CCDC171: variants seen among roughly 807,000 people sequenced by gnomAD.
The protein encoded by CCDC171 is coiled-coil domain-containing protein 171.
In CCDC171, 177 loss-of-function variants were observed where a neutral mutation model predicts 168.2. The observed-to-expected ratio is 1.05, with a 90% CI of 0.93 to 1.19. The LOEUF is 1.19. Among genes scored for constraint, CCDC171 ranks in the 50% most tolerant of loss-of-function variants. The pLI is 0.00. For missense variants in CCDC171, 1,991 were observed against 1,539.0 expected (o/e 1.29, Z -4.91); for synonymous variants, 687 against 540.8 (o/e 1.27, Z -3.75).
intron 3 of CCDC171, among the ~76,000 whole-genome samples, chr9:15,572,945 A>C (rs563810327): frequency 6.6e-6 from 1 of 152,168 alleles, no homozygotes; most frequent in Middle Eastern, 3.2e-3. Flanking sequence ...GATCACTTGA[A>C]GTCAGGAGTT....
intron 6 of CCDC171, among the ~76,000 whole-genome samples, chr9:15,607,572 C>A (rs920984976): frequency 2.0e-5 from 3 of 152,088 alleles, no homozygotes; most frequent in Non-Finnish European, 4.4e-5. Context: ...AGCAATCCTC[C>A]CACCTCAGCC....
chr9:15,875,911 G>A (rs559145273), intron 24 of CCDC171: 4 of 152,144 alleles, frequency 2.6e-5, no homozygotes, highest in Non-Finnish European at 4.4e-5. Context: ...GATTTAAAAT[G>A]TGTATTTTAA....
chr9:15,946,675 A>G (rs1828434302), intron 25 of CCDC171, among the ~76,000 whole-genome samples: 1 of 152,044 alleles, frequency 6.6e-6, no homozygotes, highest in Admixed American at 6.6e-5. Context: ...AAATACTTTA[A>G]AGTTCATATG....
intron 24 of CCDC171, among the ~76,000 whole-genome samples, chr9:15,894,324 T>A (rs1392540338): frequency 6.6e-6 from 1 of 152,046 alleles, no homozygotes; most frequent in Non-Finnish European, 1.5e-5. Flanking sequence ...TAATGGATGC[T>A]GGGCTTAATA....
chr9:15,632,201 T>C (rs1283911847), intron 7 of CCDC171, among the ~76,000 whole-genome samples: 6 of 144,524 alleles, frequency 4.2e-5, no homozygotes, highest in African/African-American at 1.5e-4. Context: ...AAATAAAGGG[T>C]ATTCAGTTAG....
intron 7 of CCDC171, among the ~76,000 whole-genome samples, chr9:15,647,462 G>GT (rs557614857): frequency 8.6e-4 from 131 of 152,120 alleles, no homozygotes; most frequent in African/African-American, 2.9e-3. Context: ...TTAGCAGCTG[G>GT]TTTTTTTAAA....
chr9:15,961,948 A>G (rs1156319282), intron 25 of CCDC171, among the ~76,000 whole-genome samples: 1 of 152,154 alleles, frequency 6.6e-6, no homozygotes, highest in Admixed American at 6.5e-5. Flanking sequence ...CAGCAAATCT[A>G]CATGCCACCT....
intron 10 of CCDC171, among the ~76,000 whole-genome samples, chr9:15,682,122 C>T (rs1465154293): frequency 6.6e-6 from 1 of 151,990 alleles, no homozygotes; most frequent in African/African-American, 2.4e-5. Context: ...AAGTCACTAT[C>T]CTCTATAGGT....
chr9:15,639,899 C>A (rs2046466222), intron 7 of CCDC171, among the ~76,000 whole-genome samples: 1 of 152,102 alleles, frequency 6.6e-6, no homozygotes, highest in Non-Finnish European at 1.5e-5. Flanking sequence ...GAAGGAATAT[C>A]CTTTAGCGAC....
intron 11 of CCDC171, among the ~76,000 whole-genome samples, chr9:15,711,937 G>A (rs2134036571): frequency 6.6e-6 from 1 of 152,196 alleles, no homozygotes; most frequent in South Asian, 2.1e-4. Flanking sequence ...TCCATCTCTG[G>A]CGAGGTGGTC....
chr9:16,055,790 A>C (rs1053853995), intron 1 of CCDC171, among the ~76,000 whole-genome samples: 1 of 152,264 alleles, frequency 6.6e-6, no homozygotes, highest in Non-Finnish European at 1.5e-5. Context: ...CAATGGTTCA[A>C]GCGGATTATT....
chr9:15,594,349 C>A (rs1457555996), intron 6 of CCDC171, among the ~76,000 whole-genome samples, 177 bp downstream of exon 6: 1 of 151,980 alleles, frequency 6.6e-6, no homozygotes, highest in African/African-American at 2.4e-5. Flanking sequence ...CAACAGATAC[C>A]ATTAGTGTTT....
chr9:15,678,400 G>A (rs949233128), intron 9 of CCDC171, among the ~76,000 whole-genome samples: 2 of 152,088 alleles, frequency 1.3e-5, no homozygotes, highest in Admixed American at 1.3e-4. Flanking sequence ...TAATTTTAAA[G>A]TTGTTTGGTA....
chr9:16,088,418 G>A, the CCDC171 span, among the ~76,000 whole-genome samples: 1 of 152,186 alleles, frequency 6.6e-6, no homozygotes, highest in Non-Finnish European at 1.5e-5. Context: ...TAGGAAGAGA[G>A]GAAGTCAGAT....
At chr9:15,909,318 C>G (rs990067653) in intron 24 of CCDC171, among the ~76,000 whole-genome samples, 3 of 152,102 alleles carry the variant, frequency 2.0e-5, no homozygotes, top group African/African-American at 7.2e-5. Context: ...ATCCTTTCTA[C>G]TTTCTATTCC....
At chr9:15,781,577 A>G (rs773533590) in intron 20 of CCDC171, among the ~76,000 whole-genome samples, 8 of 151,916 alleles carry the variant, frequency 5.3e-5, no homozygotes, top group African/African-American at 1.4e-4. Flanking sequence ...ACGCTCAGCT[A>G]ATTTTTTGTA....
Position 15,989,455 on chromosome 9 carries a change from G to C in CCDC171, n.369-31134G>C, listed in dbSNP as rs373324088. ...TCACCATCATCAAAGACCAAAGGTAGGTAAACCCTCAAAGATGGGGAAAAA... is the reference window on the plus strand; with the variant it reads ...TCACCATCATCAAAGACCAAAGGTACGTAAACCCTCAAAGATGGGGAAAAA... On this transcript the variant is annotated intron_variant and non_coding_transcript_variant, in intron 3 of 9. Transcript: ENST00000486641. Among the ~76,000 whole-genome samples the C allele has an allele frequency of 4.6e-5, 7 of 152,246 alleles. No individual in the cohort carries two copies. In the East Asian group the frequency reaches 1.4e-3, roughly 29 times the overall value.
Position 15,609,924 on chromosome 9 carries a change from C to T in CCDC171, c.676-13343C>T, listed in dbSNP as rs1321633567. ...GGATTGCATTTATAGATCATTTTGA[C>T]ATAAAGTTGACATCCTTATAATGCT... On this transcript the variant is annotated intron_variant, in intron 6 of 25. Coordinates refer to ENST00000380701, the MANE Select transcript of CCDC171 (RefSeq NM_173550.4). 2.0e-5 allele frequency among the ~76,000 whole-genome samples: 3 copies of T among 152,132 alleles called. No individual in the cohort carries two copies. The East Asian group carries it at 5.8e-4, about 29-fold the overall frequency.
intron 11 of CCDC171, among the ~76,000 whole-genome samples, chr9:15,717,146 G>A (rs560110364): frequency 5.9e-5 from 9 of 152,252 alleles, no homozygotes; most frequent in Admixed American, 3.9e-4. Flanking sequence ...CCCCAGCAGC[G>A]GCTATGTGGT....
Sources: allele counts gnomAD v4.1 joint callset (sites outside exome capture counted in the v4.1 genomes callset), GRCh38; gene constraint gnomAD v4.1.1; transcripts MANE v1.5; gene names NCBI Gene and HGNC (gene_info 2026-07-23, HGNC 2026-07-21).